Variants in SORCS3 observed in about 807,000 individuals in gnomAD.
SORCS3 encodes sortilin related VPS10 domain containing receptor 3.
SORCS3 carries 57 observed loss-of-function variants against 146.3 expected under a neutral mutation model. The ratio of observed to expected loss-of-function variants is 0.39; its 90% CI spans 0.31 to 0.49. SORCS3 has a LOEUF of 0.49. Ranked by LOEUF, SORCS3 falls within the 20% of genes least tolerant of loss-of-function variation. The pLI, the probability that SORCS3 is intolerant of heterozygous loss-of-function variation, is 0.92. For missense variants in SORCS3, 1,341 were observed against 1,575.5 expected (o/e 0.85, Z 2.52); for synonymous variants, 653 against 618.5 (o/e 1.06, Z -0.83).
At chr10:104,926,174 C>T (rs2133607289) in intron 3 of SORCS3, among the ~76,000 whole-genome samples, 1 of 152,166 alleles carries the variant, frequency 6.6e-6, no homozygotes, top group East Asian at 1.9e-4. Flanking sequence ...TTTTAAAGAG[C>T]CTCATGTCCT....
chr10:105,195,191 C>T (rs1298011164), intron 14 of SORCS3, among the ~76,000 whole-genome samples: 1 of 152,186 alleles, frequency 6.6e-6, no homozygotes, highest in Non-Finnish European at 1.5e-5. Flanking sequence ...AAAAGTACTA[C>T]ACATATGAGA....
chr10:104,748,420 T>A (rs1045873360), intron 1 of SORCS3, among the ~76,000 whole-genome samples: 2 of 152,116 alleles, frequency 1.3e-5, no homozygotes, highest in African/African-American at 4.8e-5. Flanking sequence ...TCTTTTAAAA[T>A]TAAAAGCAAT....
intron 20 of SORCS3, among the ~76,000 whole-genome samples, chr10:105,243,444 G>C (rs1248077841): frequency 6.6e-6 from 1 of 152,126 alleles, no homozygotes; most frequent in Non-Finnish European, 1.5e-5. Context: ...CCATGGCCCT[G>C]AGCTATGCTC....
intron 1 of SORCS3, among the ~76,000 whole-genome samples, chr10:104,817,453 T>C (rs1196116583): frequency 1.3e-5 from 1 of 77,456 alleles, no homozygotes; most frequent in Non-Finnish European, 2.7e-5. Context: ...CCCTTCTCCT[T>C]CTTCCTCCTC....
At chr10:105,054,824 G>A (rs751129994) in intron 5 of SORCS3, among the ~76,000 whole-genome samples, 1 of 152,120 alleles carries the variant, frequency 6.6e-6, no homozygotes, top group Non-Finnish European at 1.5e-5. Context: ...GTCTGGCTGG[G>A]TAAGTCTCCT....
chr10:104,641,554 G>C lies in SORCS3; in HGVS notation c.227G>C (p.Arg76Pro), dbSNP rs1374547296. 3 of 1,469,404 alleles carry C rather than the reference G, an allele frequency of 2.0e-6. No individual in the cohort carries two copies. Among genetic ancestry groups the C allele is most frequent in the Non-Finnish European group, 2.7e-6 (3 of 1,120,620 alleles). The allele number at this position is 1,469,404 out of a possible 1,614,324, so 91.0% of individuals were successfully genotyped here. The change falls in exon 1 of 27, where the codon CGG (arginine) becomes CCG (proline). Residue 76 changes from arginine to proline, a missense_variant. Physicochemically the swap from Arg to Pro is moderately radical, Grantham distance 103 (BLOSUM62 -2). Transcript: ENST00000369701. This position sits in a 1 kb window ranked among gnomAD's most constrained non-coding sequence, Gnocchi z 6.4. ...TGGCCGGAGGAGCTGGCGTCGGCGC[G>C]GAGAGCCGCCGTGCTGGGGCGCCGG... ...SQWPEELASA[R>P]RAAVLGRRAG...
chr10:105,112,959 C>G (rs142725610), intron 7 of SORCS3, among the ~76,000 whole-genome samples: 1 of 152,124 alleles, frequency 6.6e-6, no homozygotes, highest in African/African-American at 2.4e-5. Flanking sequence ...AAAGAAGAAA[C>G]AACCTCACAA....
chr10:105,073,292 G>A (rs1564747618), intron 5 of SORCS3, among the ~76,000 whole-genome samples: 1 of 152,098 alleles, frequency 6.6e-6, no homozygotes, highest in African/African-American at 2.4e-5. Context: ...GATCTTGCAG[G>A]GGGATTTGGA....
chr10:104,917,916 G>C (rs544332289), intron 3 of SORCS3, among the ~76,000 whole-genome samples: 36 of 152,318 alleles, frequency 2.4e-4, no homozygotes, highest in African/African-American at 8.7e-4. Flanking sequence ...TATCATGGCT[G>C]TTGTGAGTAG....
At chr10:104,762,193 CCA>C (rs2017129125) in intron 1 of SORCS3, among the ~76,000 whole-genome samples, 1 of 152,162 alleles carries the variant, frequency 6.6e-6, no homozygotes, top group South Asian at 2.1e-4. Flanking sequence ...CCTGTTCACC[CCA>C]GTTTAGTGGG....
intron 11 of SORCS3, 128 bp downstream of exon 11, chr10:105,159,122 G>A: frequency 1.6e-6 from 1 of 626,096 alleles, no homozygotes; most frequent in Non-Finnish European, 2.8e-6. Context: ...CAGAAAATAT[G>A]CAGGGTTCCT....
chr10:105,072,080 TG>T (rs2055559800), intron 5 of SORCS3, among the ~76,000 whole-genome samples: 1 of 152,162 alleles, frequency 6.6e-6, no homozygotes, highest in African/African-American at 2.4e-5. Context: ...CTGAGATTCC[TG>T]GGAAGTGCTG....
At chr10:105,156,829 A>T (rs1484988367) in intron 9 of SORCS3, among the ~76,000 whole-genome samples, 1 of 152,160 alleles carries the variant, frequency 6.6e-6, no homozygotes, top group Non-Finnish European at 1.5e-5. Flanking sequence ...CTCCCATCTC[A>T]GAGGGAATGT....
chr10:105,230,285 A>G (rs1234181341), intron 20 of SORCS3, among the ~76,000 whole-genome samples: 2 of 151,996 alleles, frequency 1.3e-5, no homozygotes. Context: ...TGTGGTAGAC[A>G]GTGGTAGGGT....
At chr10:105,039,948 A>T (rs2055329149) in intron 4 of SORCS3, among the ~76,000 whole-genome samples, 1 of 152,200 alleles carries the variant, frequency 6.6e-6, no homozygotes, top group Non-Finnish European at 1.5e-5. Flanking sequence ...TTTGCAGCAG[A>T]GGAAGACACA....
chr10:105,168,742 A>G (rs1174606416), intron 13 of SORCS3, among the ~76,000 whole-genome samples: 3 of 152,162 alleles, frequency 2.0e-5, no homozygotes, highest in African/African-American at 7.2e-5. Flanking sequence ...AAACCGTATG[A>G]AATCGCCATT....
chr10:105,247,172 C>T (rs755946797), intron 21 of SORCS3, 47 bp from the exon 22 acceptor site: 2 of 1,109,474 alleles, frequency 1.8e-6, no homozygotes, highest in Non-Finnish European at 2.7e-6. Flanking sequence ...CACACCCTCT[C>T]TCTTCTCACT....
intron 5 of SORCS3, among the ~76,000 whole-genome samples, chr10:105,082,975 G>A (rs138468031): frequency 0.023 from 3,555 of 152,108 alleles, 110 homozygotes; most frequent in East Asian, 0.17. Flanking sequence ...TGATCTGCCC[G>A]CCTTGGCCTC....
chr10:105,111,784 G>A (rs1351439779), intron 7 of SORCS3, among the ~76,000 whole-genome samples: 2 of 152,330 alleles, frequency 1.3e-5, no homozygotes, highest in Non-Finnish European at 1.5e-5. Context: ...TGGAGAAAGA[G>A]CCTTTCACCT....
Sources: allele counts gnomAD v4.1 joint callset (sites outside exome capture counted in the v4.1 genomes callset), GRCh38; gene constraint gnomAD v4.1.1; non-coding constraint Gnocchi (gnomAD v3.1); transcripts MANE v1.5; gene names NCBI Gene and HGNC (gene_info 2026-07-23, HGNC 2026-07-21).